The following CD46 variants were observed in gnomAD, a reference collection of about 807,000 sequenced individuals.
The protein encoded by CD46 is membrane cofactor protein.
In CD46, 30 loss-of-function variants were observed where a neutral mutation model predicts 53.3. The observed-to-expected ratio is 0.56, with a 90% CI of 0.42 to 0.76. CD46 has a LOEUF of 0.76. Among genes scored for constraint, CD46 ranks in the 30% least tolerant of loss-of-function variants. CD46 has a pLI of 0.00. For synonymous variants in CD46, 142 were observed against 152.0 expected, an observed-to-expected ratio of 0.93 and a Z score of 0.48; for missense variants, 409 against 463.0, an observed-to-expected ratio of 0.88 and a Z score of 1.07.
chr1:207,752,127 T>G lies in CD46; in HGVS notation c.-86T>G. 1 of 1,231,560 alleles carries G rather than the reference T, an allele frequency of 8.1e-7. No homozygotes were observed. The highest frequency in any genetic ancestry group is 1.2e-6 in the Non-Finnish European group (1 of 840,928). The allele number at this position is 1,231,560 out of a possible 1,614,324, so 76.3% of individuals were successfully genotyped here. On this transcript the variant is annotated 5_prime_UTR_variant, in exon 1 of 13. Coordinates refer to ENST00000367042, the MANE Select transcript of CD46 (RefSeq NM_172351.3). The surrounding 1 kb of genome is among the most constrained non-coding windows in gnomAD (Gnocchi z 4.1). ...GTTGGGGATTGTTGCGTCCCATATC[T>G]GGACCCAGAAGGGACTTCCCTGCTC...
chr1:207,764,188 C>T (rs1182844298), intron 5 of CD46, among the ~76,000 whole-genome samples: 1 of 152,128 alleles, frequency 6.6e-6, no homozygotes, highest in African/African-American at 2.4e-5. Flanking sequence ...ACAGCACAGG[C>T]ACCTGCTCTG....
At chr1:207,753,632 C>T (rs1296875633) in intron 1 of CD46, among the ~76,000 whole-genome samples, 4 of 152,122 alleles carry the variant, frequency 2.6e-5, no homozygotes, top group African/African-American at 9.7e-5. Flanking sequence ...GATCATGCCA[C>T]TGCACTCCAG....
intron 5 of CD46, among the ~76,000 whole-genome samples, chr1:207,766,546 A>G (rs1195430485): frequency 6.6e-6 from 1 of 152,152 alleles, no homozygotes; most frequent in East Asian, 1.9e-4. Flanking sequence ...TATTGGCCAA[A>G]AATTATCCAA....
chr1:207,777,496 C>G lies in CD46; in HGVS notation c.944-5796C>G, dbSNP rs145251185. 2.9e-3 allele frequency among the ~76,000 whole-genome samples: 447 copies of G among 152,256 alleles called. 5 individuals carry two copies. Among genetic ancestry groups the G allele is most frequent in the African/African-American group, 1.0e-2 (414 of 41,564 alleles). ...GCTCTTCTTCCTACTCCCACCCTCCCCGGTCAAGTATACCCCAGTGTCTGT... is the reference window on the plus strand; with the variant it reads ...GCTCTTCTTCCTACTCCCACCCTCCGCGGTCAAGTATACCCCAGTGTCTGT... On this transcript the variant is annotated intron_variant, in intron 8 of 12. Transcript: ENST00000367042.
intron 2 of CD46, 40 bp downstream of exon 2, chr1:207,757,242 G>A: frequency 6.6e-7 from 1 of 1,524,428 alleles, no homozygotes; most frequent in Non-Finnish European, 9.0e-7. Flanking sequence ...GCTTGCTCTA[G>A]AGATTTGCAT....
In CD46 at chr1:207,757,217, C is replaced by G. The variant is rs756903468; in HGVS notation, c.286+15C>G. 1 of 1,604,096 alleles carries G rather than the reference C, an allele frequency of 6.2e-7. No individual in the cohort carries two copies. The highest frequency in any genetic ancestry group is 8.5e-7 in the Non-Finnish European group (1 of 1,173,508). On this transcript the variant is annotated intron_variant, in intron 2 of 12. Transcript: ENST00000367042. ...CGCCTGTTATAGTAAGTAAACAAAC[C>G]TCTTTTTTTTTTCTGCTTGCTCTAG...
chr1:207,759,874 C>G (rs1655988749), intron 4 of CD46, 150 bp downstream of exon 4: 1 of 586,800 alleles, frequency 1.7e-6, no homozygotes, highest in Non-Finnish European at 3.1e-6. Context: ...TATTGGAATT[C>G]AAACGGAGAG....
Position 207,772,266 on chromosome 1 carries a change from C to T in CD46, c.943+1904C>T, listed in dbSNP as rs1013165308. On this transcript the variant is annotated intron_variant, in intron 8 of 12. Transcript: ENST00000367042. The stretch of plus-strand genomic sequence containing the variant: ...ACATTGATTTTGTATCCTGAGACTT[C>T]GCTGAAGTTGTTTATCAGCTTGTGG... Among the ~76,000 whole-genome samples the T allele has an allele frequency of 2.0e-5, 3 of 152,102 alleles. 1 individual carries two copies. The highest frequency in any genetic ancestry group is 4.1e-4 in the South Asian group (2 of 4,826).
chr1:207,781,549 T>G (rs1359437127), intron 8 of CD46, among the ~76,000 whole-genome samples: 1 of 152,206 alleles, frequency 6.6e-6, no homozygotes, highest in Admixed American at 6.5e-5. Flanking sequence ...TCTGAGAGTT[T>G]TATAGTTTTA....
At position 207,793,524 on chromosome 1, in the gene CD46, C is replaced by A. The variant is rs762030841; in HGVS notation, c.*47C>A. 1 of 1,612,578 alleles carries A rather than the reference C, an allele frequency of 6.2e-7. No homozygotes were observed. The highest frequency in any genetic ancestry group is 1.1e-5 in the South Asian group (1 of 91,042). On this transcript the variant is annotated 3_prime_UTR_variant, in exon 13 of 13. Transcript: ENST00000367042. The stretch of plus-strand genomic sequence containing the variant: ...CTTTATACCTTGGTTTGCAGGAAAG[C>A]AGATGGTGGAGCTGAATATGCCACT...
chr1:207,771,376 G>C (rs571565302), intron 8 of CD46, among the ~76,000 whole-genome samples: 1 of 152,240 alleles, frequency 6.6e-6, no homozygotes, highest in Admixed American at 6.5e-5. Context: ...AGTTTCTTTT[G>C]CTGTGCAGAA....
chr1:207,754,232 CT>C (rs1655253797), intron 1 of CD46, among the ~76,000 whole-genome samples: 1 of 152,146 alleles, frequency 6.6e-6, no homozygotes, highest in African/African-American at 2.4e-5. Flanking sequence ...GGCTTCTCTG[CT>C]CATCAAACAG....
intron 11 of CD46, among the ~76,000 whole-genome samples, chr1:207,786,682 G>T (rs1206709562): frequency 6.6e-6 from 1 of 152,076 alleles, no homozygotes; most frequent in Non-Finnish European, 1.5e-5. Flanking sequence ...TGATCATCAG[G>T]TTTGGGCTAA....
chr1:207,781,508 C>A (rs1448109828), intron 8 of CD46, among the ~76,000 whole-genome samples: 1 of 152,126 alleles, frequency 6.6e-6, no homozygotes, highest in Non-Finnish European at 1.5e-5. Context: ...ATAGCCAGAT[C>A]AAATGTCAAG....
At position 207,767,038 on chromosome 1, in the gene CD46, C is replaced by T. The variant is rs556795257; in HGVS notation, c.699C>T (p.Val233=). 17 of 1,613,312 alleles carry T rather than the reference C, an allele frequency of 1.1e-5. No individual in the cohort carries two copies. Among genetic ancestry groups the T allele is most frequent in the African/African-American group, 2.7e-5 (2 of 74,938 alleles). Residue 233 remains valine (V), a synonymous_variant, in exon 6 of 13, where the codon GTC becomes GTT. Transcript: ENST00000367042. The part of the protein sequence containing the change: ...CKVVKCRFPV[V]ENGKQISGFG... Reference sequence around the variant, plus strand: ...TGGTCAAATGTCGATTTCCAGTAGTCGAAAATGGAAAACAGATATCAGGAT... The same window carrying T: ...TGGTCAAATGTCGATTTCCAGTAGTTGAAAATGGAAAACAGATATCAGGAT...
At chr1:207,786,748 G>A (rs1659305288) in intron 11 of CD46, among the ~76,000 whole-genome samples, 1 of 151,864 alleles carries the variant, frequency 6.6e-6, no homozygotes, top group Admixed American at 6.6e-5. Context: ...CATATTACTT[G>A]GTTATCTTTT....
chr1:207,770,149 A>T, intron 7 of CD46, 172 bp from the exon 8 acceptor site: 2 of 616,756 alleles, frequency 3.2e-6, no homozygotes, highest in Non-Finnish European at 5.9e-6. Context: ...CATACATCTT[A>T]CATACTTGTG....
chr1:207,756,843 C>G (rs540536958), intron 1 of CD46, among the ~76,000 whole-genome samples, 171 bp from the exon 2 acceptor site: 20 of 152,320 alleles, frequency 1.3e-4, no homozygotes, highest in African/African-American at 4.8e-4. Context: ...ACATGCAAGT[C>G]CCATTTCCTC....
At position 207,757,540 on chromosome 1, in the gene CD46, G is replaced by A; in HGVS notation, c.287G>A (p.Arg96Lys). Reference protein sequence around the residue: ...WLPVSDDACYRETCPYIRDPL... With the variant: ...WLPVSDDACYKETCPYIRDPL... Reference sequence around the variant, plus strand: ...AACTATCAAAATTATTTTCTTTCAGGAGAAACATGTCCATATATACGGGAT... The same window carrying A: ...AACTATCAAAATTATTTTCTTTCAGAAGAAACATGTCCATATATACGGGAT... Residue 96 changes from arginine (R) to lysine (K), a missense_variant and splice_region_variant, in exon 3 of 13, where the codon AGA (arginine) becomes AAA (lysine). Physicochemically the swap from Arg to Lys is conservative, Grantham distance 26 (BLOSUM62 2). Transcript: ENST00000367042. 6.3e-7 allele frequency: 1 copy of A among 1,582,708 alleles called. No individual in the cohort carries two copies. The highest frequency in any genetic ancestry group is 8.7e-7 in the Non-Finnish European group (1 of 1,153,904).
Sources: gnomAD v4.1 joint callset for allele counts (sites outside exome capture counted in the v4.1 genomes callset) on GRCh38, gnomAD v4.1.1 for gene constraint, Gnocchi (gnomAD v3.1) non-coding constraint, MANE v1.5 for transcripts, NCBI Gene and HGNC (gene_info 2026-07-23, HGNC 2026-07-21) for gene names.